The following GABRA3 variants were observed in gnomAD, a reference collection of about 807,000 sequenced individuals.
The protein encoded by GABRA3 is gamma-aminobutyric acid type A receptor subunit alpha3.
GABRA3 carries 10 observed loss-of-function variants against 30.1 expected under a neutral mutation model. That is an observed-to-expected ratio of 0.33 (90% CI 0.20 to 0.56). GABRA3 has a LOEUF of 0.56. Among genes scored for constraint, GABRA3 ranks in the 20% least tolerant of loss-of-function variants. The pLI is 0.89. For synonymous variants in GABRA3, 151 were observed against 146.8 expected, an observed-to-expected ratio of 1.03 and a Z score of -0.21; for missense variants, 233 against 392.0, an observed-to-expected ratio of 0.59 and a Z score of 3.42.
Position 152,283,935 on chromosome X carries a change from CT to C in GABRA3, c.330+732del, listed in dbSNP as rs202068435. Among the ~76,000 whole-genome samples the C allele has an allele frequency of 1.7e-4, 19 of 111,491 alleles. No individual in the cohort carries two copies. The Admixed American group carries it at 1.8e-3, about 11-fold the overall frequency. On this transcript the variant is annotated intron_variant, in intron 4 of 9. Coordinates refer to ENST00000370314, the MANE Select transcript of GABRA3 (RefSeq NM_000808.4). ...GCCAGGTATACAAAGCAGATAATAG[CT>C]TTTTTGTGTCTCTAAATCATAATTA...
intron 1 of GABRA3, among the ~76,000 whole-genome samples, chrX:152,369,788 G>C (rs762912348): frequency 1.8e-5 from 2 of 109,972 alleles, no homozygotes; most frequent in South Asian, 3.8e-4. Flanking sequence ...ATGGGGATGA[G>C]GATTTTGGTT....
intron 1 of GABRA3, among the ~76,000 whole-genome samples, chrX:152,442,283 C>T (rs1358758931): frequency 1.8e-5 from 2 of 109,882 alleles, no homozygotes; most frequent in Admixed American, 9.8e-5. Flanking sequence ...AAAGCCAAAA[C>T]GACAAAATGC....
intron 3 of GABRA3, among the ~76,000 whole-genome samples, chrX:152,321,265 A>G (rs1290024255): frequency 8.9e-6 from 1 of 111,921 alleles, no homozygotes; most frequent in Non-Finnish European, 1.9e-5. Context: ...TTAGACTCAC[A>G]TGGGGAGCTT....
chrX:152,221,739 CA>C (rs1937843379), intron 6 of GABRA3, among the ~76,000 whole-genome samples: 1 of 111,573 alleles, frequency 9.0e-6, no homozygotes, highest in Admixed American at 9.6e-5. Flanking sequence ...ATTTTAAGTT[CA>C]GGGGTACATA....
intron 7 of GABRA3, among the ~76,000 whole-genome samples, chrX:152,206,648 A>G (rs1056290701): frequency 2.7e-5 from 3 of 111,355 alleles, no homozygotes; most frequent in African/African-American, 9.8e-5. Context: ...TAGCCAATGC[A>G]CGATGGCCAG....
At chrX:152,358,211 G>A (rs1940580977) in intron 2 of GABRA3, among the ~76,000 whole-genome samples, 2 of 111,026 alleles carry the variant, frequency 1.8e-5, no homozygotes, top group Admixed American at 9.6e-5. Context: ...ATTTGTTTGT[G>A]TCATCTCTGA....
At chrX:152,219,635 G>A (rs1937794048) in intron 6 of GABRA3, among the ~76,000 whole-genome samples, 1 of 111,277 alleles carries the variant, frequency 9.0e-6, no homozygotes, top group Middle Eastern at 4.7e-3. Flanking sequence ...CTGGTGTCAG[G>A]ACAGAAGTAC....
intron 1 of GABRA3, among the ~76,000 whole-genome samples, chrX:152,429,066 A>G (rs1452932730): frequency 9.0e-6 from 1 of 111,556 alleles, no homozygotes; most frequent in African/African-American, 3.3e-5. Context: ...GAGATTAAAT[A>G]TGAAAGAATT....
At chrX:152,267,585 T>C (rs771794164) in intron 4 of GABRA3, among the ~76,000 whole-genome samples, 1 of 111,445 alleles carries the variant, frequency 9.0e-6, no homozygotes, top group South Asian at 3.7e-4. Flanking sequence ...TGAATTGGTA[T>C]TATTAATTTT....
At chrX:152,328,399 A>C (rs943048298) in intron 3 of GABRA3, among the ~76,000 whole-genome samples, 11 of 111,698 alleles carry the variant, frequency 9.8e-5, no homozygotes, top group African/African-American at 3.6e-4. Flanking sequence ...ACAACAAAAA[A>C]GGAGAATTTT....
intron 1 of GABRA3, among the ~76,000 whole-genome samples, chrX:152,444,758 GTTT>G (rs1229303808): frequency 1.9e-4 from 11 of 59,115 alleles, no homozygotes; most frequent in African/African-American, 6.6e-4. Context: ...GTTTTTTTTT[GTTT>G]GTTTGTTTGT....
chrX:152,199,419 T>C (rs1937448547), intron 7 of GABRA3, among the ~76,000 whole-genome samples: 1 of 109,244 alleles, frequency 9.2e-6, no homozygotes, highest in African/African-American at 3.3e-5. Flanking sequence ...GTGGTGCAGC[T>C]GCAAGCCAAG....
At chrX:152,193,006 G>C (rs893290934) in intron 8 of GABRA3, among the ~76,000 whole-genome samples, 7 of 111,840 alleles carry the variant, frequency 6.3e-5, no homozygotes, top group African/African-American at 2.3e-4. Flanking sequence ...TCAGAATCAA[G>C]AGCTCAAGAA....
chrX:152,391,900 A>G (rs939981041), intron 1 of GABRA3, among the ~76,000 whole-genome samples: 1 of 111,804 alleles, frequency 8.9e-6, no homozygotes, highest in Non-Finnish European at 1.9e-5. Flanking sequence ...TAATATAACA[A>G]TATCAGCAAA....
intron 5 of GABRA3, among the ~76,000 whole-genome samples, chrX:152,253,611 G>A (rs1490735900): frequency 9.0e-6 from 1 of 111,655 alleles, no homozygotes; most frequent in Non-Finnish European, 1.9e-5. Context: ...GAACACCACT[G>A]CTAATCTAGA....
chrX:152,255,423 G>A (rs942041653), intron 5 of GABRA3, among the ~76,000 whole-genome samples: 4 of 111,562 alleles, frequency 3.6e-5, no homozygotes, highest in Admixed American at 1.9e-4. Flanking sequence ...AATTATCAGC[G>A]TTCATGCCTG....
chrX:152,207,798 A>G (rs1159139128), intron 7 of GABRA3, among the ~76,000 whole-genome samples: 1 of 112,040 alleles, frequency 8.9e-6, no homozygotes, highest in Non-Finnish European at 1.9e-5. Flanking sequence ...AGCCAATCTG[A>G]CAAGTGTTCA....
At chrX:152,283,935 CTT>C (rs202068435) in intron 4 of GABRA3, among the ~76,000 whole-genome samples, 2 of 111,438 alleles carry the variant, frequency 1.8e-5, no homozygotes, top group Non-Finnish European at 3.8e-5. Flanking sequence ...CAGATAATAG[CTT>C]TTTTGTGTCT....
chrX:152,254,499 C>A (rs1296036236), intron 5 of GABRA3, among the ~76,000 whole-genome samples: 1 of 109,964 alleles, frequency 9.1e-6, no homozygotes, highest in Non-Finnish European at 1.9e-5. Flanking sequence ...CCCTCTTGAC[C>A]CTCATCTTCC....
Sources: gnomAD v4.1 joint callset for allele counts (sites outside exome capture counted in the v4.1 genomes callset) on GRCh38, gnomAD v4.1.1 for gene constraint, MANE v1.5 for transcripts, NCBI Gene and HGNC (gene_info 2026-07-23, HGNC 2026-07-21) for gene names.